The following PLXNB2 variants were observed in gnomAD, a reference collection of about 807,000 sequenced individuals.
The protein encoded by PLXNB2 is plexin-B2.
A neutral mutation model predicts 202.6 loss-of-function variants in PLXNB2; 85 were observed. That is an observed-to-expected ratio of 0.42 (90% CI 0.35 to 0.50). The LOEUF (loss-of-function observed/expected upper bound fraction) is 0.50. Ranked by LOEUF, PLXNB2 falls within the 20% of genes least tolerant of loss-of-function variation. The pLI is 0.02. For synonymous variants in PLXNB2, 1,239 were observed against 1,137.6 expected (o/e 1.09, Z -1.79); for missense variants, 2,063 against 2,586.2 (o/e 0.80, Z 4.39).
Position 50,278,589 on chromosome 22 carries a change from C to A in PLXNB2, c.4647+7G>T. On this transcript the variant is annotated splice_region_variant and intron_variant, in intron 29 of 36. Transcript: ENST00000359337. ...CAGTTCTCGCCCGCCCCGGCCTACACGCTCACATTGTAGTGCATAAGGGTG... is the reference window on the plus strand; with the variant it reads ...CAGTTCTCGCCCGCCCCGGCCTACAAGCTCACATTGTAGTGCATAAGGGTG... The A allele has an allele frequency of 6.2e-7, 1 of 1,611,400 alleles. No homozygotes were observed. Among genetic ancestry groups the A allele is most frequent in the Non-Finnish European group, 8.5e-7 (1 of 1,178,852 alleles).
intron 1 of PLXNB2, among the ~76,000 whole-genome samples, chr22:50,306,293 G>A (rs2067879913): frequency 6.6e-6 from 1 of 152,174 alleles, no homozygotes; most frequent in African/African-American, 2.4e-5. Context: ...GATGTGCCAG[G>A]CCCACCTGCT....
intron 1 of PLXNB2, among the ~76,000 whole-genome samples, chr22:50,296,785 C>T (rs1371262678): frequency 3.3e-5 from 5 of 152,060 alleles, no homozygotes; most frequent in African/African-American, 9.7e-5. Context: ...CACCTCCTCC[C>T]GCAGGGCCAG....
chr22:50,291,006 C>T lies in PLXNB2; in HGVS notation c.-13-409G>A, dbSNP rs1185825746. Among the ~76,000 whole-genome samples the T allele has an allele frequency of 3.3e-5, 5 of 152,198 alleles. No homozygotes were observed. The highest frequency in any genetic ancestry group is 1.2e-4 in the African/African-American group (5 of 41,436). On this transcript the variant is annotated intron_variant, in intron 2 of 36. Coordinates refer to ENST00000359337, the MANE Select transcript of PLXNB2 (RefSeq NM_012401.4). This position sits in a 1 kb window ranked among gnomAD's most constrained non-coding sequence, Gnocchi z 4.3. ...TGGTCGGGACGCACCGGCCCCAGCG[C>T]ACAGGCTCAGGCTGACAGACAGACC...
chr22:50,279,576 G>T, intron 27 of PLXNB2, 54 bp downstream of exon 27: 6 of 1,569,374 alleles, frequency 3.8e-6, no homozygotes, highest in East Asian at 2.2e-5. Context: ...GGATGCCCAA[G>T]CTCCTTAGCC....
chr22:50,301,532 C>T (rs988989066), intron 1 of PLXNB2: 3 of 384,728 alleles, frequency 7.8e-6, no homozygotes, highest in African/African-American at 6.6e-5. Flanking sequence ...TGGAGTCTCT[C>T]CTGAAAGGAG....
At chr22:50,276,025 A>G (rs2065531262) in intron 35 of PLXNB2, 62 bp from the exon 36 acceptor site, 1 of 1,497,932 alleles carries the variant, frequency 6.7e-7, no homozygotes, top group Non-Finnish European at 9.3e-7. Flanking sequence ...GGCTGGCAGG[A>G]GTAGTACGGG....
Position 50,284,594 on chromosome 22 carries a change from G to A in PLXNB2, c.2160C>T (p.Thr720=). The A allele has an allele frequency of 6.2e-7, 1 of 1,607,956 alleles. No individual in the cohort carries two copies. The highest frequency in any genetic ancestry group is 8.5e-7 in the Non-Finnish European group (1 of 1,178,100). The change falls in exon 12 of 37, where the codon ACC becomes ACT. Residue 720 remains threonine, a synonymous_variant. Transcript: ENST00000359337. This position sits in a 1 kb window ranked among gnomAD's most constrained non-coding sequence, Gnocchi z 8.0. ...GTACCTTTGGGGTCCGAAAGGCGAAGGTCCCAGATTCCTGCATGGTCACCG... is the reference window on the plus strand; with the variant it reads ...GTACCTTTGGGGTCCGAAAGGCGAAAGTCCCAGATTCCTGCATGGTCACCG... The part of the protein sequence containing the change: ...MEPVTMQESG[T]FAFRTPKLSH...
At chr22:50,299,592 G>A (rs1054956560) in intron 1 of PLXNB2, among the ~76,000 whole-genome samples, 2 of 152,238 alleles carry the variant, frequency 1.3e-5, no homozygotes, top group Admixed American at 6.5e-5. Flanking sequence ...AAACAAGCGC[G>A]AGGGGGGTGC....
intron 1 of PLXNB2, among the ~76,000 whole-genome samples, chr22:50,296,358 A>G (rs1256254459): frequency 6.6e-6 from 1 of 152,068 alleles, no homozygotes; most frequent in Non-Finnish European, 1.5e-5. Flanking sequence ...GCTGCAGTGA[A>G]CTATGATTGT....
intron 28 of PLXNB2, 70 bp downstream of exon 28, chr22:50,278,785 G>A (rs1347521721): frequency 2.5e-6 from 4 of 1,593,066 alleles, no homozygotes; most frequent in African/African-American, 1.3e-5. Flanking sequence ...TGGCCAGGCA[G>A]GATACCGCCC....
In PLXNB2 at chr22:50,289,236, C is replaced by G; in HGVS notation, c.1069-94G>C. On this transcript the variant is annotated intron_variant, in intron 3 of 36. Transcript: ENST00000359337. The surrounding 1 kb of genome is among the most constrained non-coding windows in gnomAD (Gnocchi z 8.0). ...AAGACTCGGGACAGGCCCTTCCCTT[C>G]CCTCCGGCACACGTCCTACACACGT... is the stretch of plus-strand genomic sequence containing the variant. 1.7e-6 allele frequency: 2 copies of G among 1,169,038 alleles called. No homozygotes were observed. Among genetic ancestry groups the G allele is most frequent in the Non-Finnish European group, 2.3e-6 (2 of 852,232 alleles). 72.4% of individuals were successfully genotyped at this position (1,169,038 alleles called of 1,614,324 possible).
At position 50,288,114 on chromosome 22, in the gene PLXNB2, C is replaced by G; in HGVS notation, c.1381-77G>C. ...CCGCAGACCCCAGATGTCCCCAGAC[C>G]GCCAGCTTGACCCAGCTCTGTCCCG... On this transcript the variant is annotated intron_variant, in intron 5 of 36. Coordinates refer to ENST00000359337, the MANE Select transcript of PLXNB2 (RefSeq NM_012401.4). This position sits in a 1 kb window ranked among gnomAD's most constrained non-coding sequence, Gnocchi z 5.0. The G allele has an allele frequency of 8.7e-7, 1 of 1,145,228 alleles. No individual in the cohort carries two copies. 70.9% of individuals were successfully genotyped at this position (1,145,228 alleles called of 1,614,324 possible).
Position 50,289,887 on chromosome 22 carries a change from T to A in PLXNB2, c.698A>T (p.Asn233Ile), listed in dbSNP as rs2093443075. Residue 233 changes from asparagine (N) to isoleucine (I), a missense_variant, in exon 3 of 37, where the codon AAC (asparagine) becomes ATC (isoleucine). Transcript: ENST00000359337. The surrounding 1 kb of genome is among the most constrained non-coding windows in gnomAD (Gnocchi z 8.0). Reference sequence around the variant, plus strand: ...CCGGGCCGGGTGCTTGTCCTGCTGGTTGAAGACAAAGAAGACGTAGGGGCC... The same window carrying A: ...CCGGGCCGGGTGCTTGTCCTGCTGGATGAAGACAAAGAAGACGTAGGGGCC... ...EDGPYVFFVF[N>I]QQDKHPARNR... The A allele has an allele frequency of 6.2e-7, 1 of 1,613,100 alleles. No homozygotes were observed. The highest frequency in any genetic ancestry group is 1.1e-5 in the South Asian group (1 of 91,088).
Position 50,275,573 on chromosome 22 carries a change from C to T in PLXNB2, c.*131G>A, listed in dbSNP as rs1245403776. The T allele has an allele frequency of 3.0e-6, 2 of 670,342 alleles. No individual in the cohort carries two copies. The highest frequency in any genetic ancestry group is 5.3e-6 in the Non-Finnish European group (2 of 375,098). 41.5% of individuals were successfully genotyped at this position (670,342 alleles called of 1,614,324 possible). A position where few individuals can be genotyped will look rare whatever the true frequency, so the allele number is the denominator to read the frequency against. Reference sequence around the variant, plus strand: ...CTAGACGCTGGGCGGGTTCCGGCTGCACCCACTCCGGCTTGGGGCGCGTTC... The same window carrying T: ...CTAGACGCTGGGCGGGTTCCGGCTGTACCCACTCCGGCTTGGGGCGCGTTC... On this transcript the variant is annotated 3_prime_UTR_variant, in exon 37 of 37. Coordinates refer to ENST00000359337, the MANE Select transcript of PLXNB2 (RefSeq NM_012401.4).
Position 50,287,742 on chromosome 22 carries a change from C to A in PLXNB2, c.1533G>T (p.Leu511=). 1.3e-6 allele frequency: 2 copies of A among 1,583,132 alleles called. No homozygotes were observed. The highest frequency in any genetic ancestry group is 2.3e-5 in the South Asian group (2 of 87,936). ...CCACGCAGGACTTGCTTCGGCTCCA[C>A]AGCCAGTGGCTGGCCTCCTCGGCCC... ...CPRAEEASHW[L]WSRSKSCVAV... The change falls in exon 7 of 37, where the codon CTG becomes CTT. Residue 511 remains leucine, a synonymous_variant. Transcript: ENST00000359337.
In PLXNB2 at chr22:50,284,887, A is replaced by C; in HGVS notation, c.2089-222T>G. 1.5e-6 allele frequency: 1 copy of C among 663,102 alleles called. No homozygotes were observed. Among genetic ancestry groups the C allele is most frequent in the Non-Finnish European group, 2.9e-6 (1 of 350,122 alleles). The allele number at this position is 663,102 out of a possible 1,614,324, so 41.1% of individuals were successfully genotyped here. On this transcript the variant is annotated intron_variant, in intron 11 of 36. Coordinates refer to ENST00000359337, the MANE Select transcript of PLXNB2 (RefSeq NM_012401.4). This position sits in a 1 kb window ranked among gnomAD's most constrained non-coding sequence, Gnocchi z 8.0. ...TCTGAACGTCCTCTGTGGGTTTCCCACGGCCACCTCCACCACTCATCCACA... is the reference window on the plus strand; with the variant it reads ...TCTGAACGTCCTCTGTGGGTTTCCCCCGGCCACCTCCACCACTCATCCACA...
intron 1 of PLXNB2, among the ~76,000 whole-genome samples, chr22:50,299,475 G>C (rs1264032507): frequency 6.6e-6 from 1 of 152,320 alleles, no homozygotes; most frequent in South Asian, 2.1e-4. Context: ...CCAGGGGGCC[G>C]GGCCAAAGCT....
rs780128535 is a variant in PLXNB2 at position 50,275,822 on chromosome 22, G to C, written c.5413-14C>G. 2.5e-6 allele frequency: 4 copies of C among 1,605,844 alleles called. No individual in the cohort carries two copies. The South Asian group carries it at 3.3e-5, about 13-fold the overall frequency. ...GGCATTGATGATCTGAGGGAGGGTC[G>C]CATCAGAGCACACCGGGGGACCGCC... is the stretch of plus-strand genomic sequence containing the variant. On this transcript the variant is annotated splice_polypyrimidine_tract_variant and intron_variant, in intron 36 of 36. Transcript: ENST00000359337.
chr22:50,278,866 C>T lies in PLXNB2; in HGVS notation c.4535G>A (p.Ser1512Asn). 1 of 1,611,510 alleles carries T rather than the reference C, an allele frequency of 6.2e-7. No individual in the cohort carries two copies. Among genetic ancestry groups the T allele is most frequent in the African/African-American group, 1.3e-5 (1 of 75,034 alleles). Residue 1512 changes from serine to asparagine, a missense_variant, in exon 28 of 37, where the codon AGC becomes AAC. Ser to Asn is a conservative substitution (Grantham distance 46). Around this residue, in one of 2 missense-constraint regions of PLXNB2, gnomAD observed 760 missense variants for 1,109.4 expected, o/e 0.69. Coordinates refer to ENST00000359337, the MANE Select transcript of PLXNB2 (RefSeq NM_012401.4). Reference sequence around the variant, plus strand: ...GGGCCGGCACTCACCCAGGACCACGCTGTCTGGCCTGGGCCAGCAGGAGCA... The same window carrying T: ...GGGCCGGCACTCACCCAGGACCACGTTGTCTGGCCTGGGCCAGCAGGAGCA... Reference protein sequence around the residue: ...QPCSCWPRPDSVVLEWRPGST... With the variant: ...QPCSCWPRPDNVVLEWRPGST...
Sources: gnomAD v4.1 joint callset for allele counts (sites outside exome capture counted in the v4.1 genomes callset) on GRCh38, gnomAD v4.1.1 for gene constraint, gnomAD v4.1.1 regional missense constraint, Gnocchi (gnomAD v3.1) non-coding constraint, MANE v1.5 for transcripts, NCBI Gene and HGNC (gene_info 2026-07-23, HGNC 2026-07-21) for gene names.